Variants in MAF observed in about 807,000 individuals in gnomAD.
MAF encodes the protein transcription factor Maf.
In MAF, 10 loss-of-function variants were observed where a neutral mutation model predicts 22.0. The observed-to-expected ratio is 0.45, with a 90% CI of 0.28 to 0.77. MAF has a LOEUF of 0.77. Ranked by LOEUF, MAF falls within the 30% of genes least tolerant of loss-of-function variation. The pLI is 0.12. For missense variants in MAF, 544 were observed against 548.4 expected (o/e 0.99, Z 0.08); for synonymous variants, 337 against 255.8 (o/e 1.32, Z -3.03).
chr16:79,252,016 T>C, the MAF span, among the ~76,000 whole-genome samples: 2 of 152,270 alleles, frequency 1.3e-5, no homozygotes, highest in African/African-American at 2.4e-5. Flanking sequence ...CTAAGAATCC[T>C]GCAAATAGCA....
chr16:79,325,932 C>A, the MAF span, among the ~76,000 whole-genome samples: 1 of 152,166 alleles, frequency 6.6e-6, no homozygotes, highest in South Asian at 2.1e-4. Context: ...ACACTCTGAT[C>A]TTGTGTGACA....
the MAF span, among the ~76,000 whole-genome samples, chr16:79,489,094 C>T: frequency 6.6e-6 from 1 of 152,092 alleles, no homozygotes; most frequent in Non-Finnish European, 1.5e-5. Context: ...CATCTCTCTA[C>T]CCATCCATCC....
chr16:79,498,180 C>G, the MAF span, among the ~76,000 whole-genome samples: 1 of 152,170 alleles, frequency 6.6e-6, no homozygotes, highest in Non-Finnish European at 1.5e-5. Flanking sequence ...CTTGGGCACA[C>G]TTGCTAAGTA....
At chr16:79,402,586 A>C in the MAF span, among the ~76,000 whole-genome samples, 2 of 152,228 alleles carry the variant, frequency 1.3e-5, no homozygotes. Context: ...GCTGGCGTGC[A>C]GGCTGAGGCC....
At chr16:79,361,670 C>A in the MAF span, among the ~76,000 whole-genome samples, 2 of 151,870 alleles carry the variant, frequency 1.3e-5, no homozygotes, top group Non-Finnish European at 2.9e-5. Context: ...TACGTCTGCA[C>A]GAAAGATTGG....
the MAF span, among the ~76,000 whole-genome samples, chr16:79,268,890 A>T: frequency 6.6e-6 from 1 of 152,150 alleles, no homozygotes; most frequent in Non-Finnish European, 1.5e-5. Flanking sequence ...TGGGCAAGCC[A>T]TTTCACTCTT....
the MAF span, among the ~76,000 whole-genome samples, chr16:79,565,349 A>G: frequency 6.6e-6 from 1 of 152,134 alleles, no homozygotes; most frequent in East Asian, 1.9e-4. Context: ...TGAAACCTAA[A>G]TGATTGACTA....
chr16:79,513,437 G>C, the MAF span, among the ~76,000 whole-genome samples: 1 of 152,202 alleles, frequency 6.6e-6, no homozygotes, highest in Non-Finnish European at 1.5e-5. Flanking sequence ...GATAATAGAC[G>C]TGCTAACTTC....
At chr16:79,502,970 T>C in the MAF span, among the ~76,000 whole-genome samples, 7 of 151,858 alleles carry the variant, frequency 4.6e-5, no homozygotes, top group Admixed American at 3.9e-4. Context: ...TAATGTGGAT[T>C]AAAAAGCTAT....
At chr16:79,299,250 A>T in the MAF span, among the ~76,000 whole-genome samples, 3 of 151,978 alleles carry the variant, frequency 2.0e-5, no homozygotes, top group Non-Finnish European at 4.4e-5. Flanking sequence ...TTTGTTCAGG[A>T]TCCCAGGAAC....
chr16:79,512,473 G>A, the MAF span, among the ~76,000 whole-genome samples: 1 of 152,104 alleles, frequency 6.6e-6, no homozygotes, highest in Admixed American at 6.6e-5. Context: ...TGATCAGCTT[G>A]GGTTTCAGAA....
At chr16:79,358,191 G>T in the MAF span, among the ~76,000 whole-genome samples, 1 of 152,168 alleles carries the variant, frequency 6.6e-6, no homozygotes, top group Non-Finnish European at 1.5e-5. Context: ...AAATACTGGC[G>T]ATGTAATGAG....
the MAF span, among the ~76,000 whole-genome samples, chr16:79,380,837 CT>C: frequency 6.6e-6 from 1 of 152,236 alleles, no homozygotes; most frequent in Non-Finnish European, 1.5e-5. Context: ...TACTCTGAAT[CT>C]TTCATTGTCT....
chr16:79,333,769 A>C, the MAF span, among the ~76,000 whole-genome samples: 3 of 152,090 alleles, frequency 2.0e-5, no homozygotes, highest in Non-Finnish European at 2.9e-5. Flanking sequence ...TGGTGATATC[A>C]CCACATGCAG....
chr16:79,270,490 A>T, the MAF span, among the ~76,000 whole-genome samples: 31,141 of 152,000 alleles, frequency 0.2, 3,840 homozygotes, highest in African/African-American at 0.35. Flanking sequence ...CCCATCTGAA[A>T]GCAAGGAGCT....
the MAF span, among the ~76,000 whole-genome samples, chr16:79,215,194 G>C: frequency 2.9e-4 from 44 of 152,316 alleles, 1 homozygote; most frequent in African/African-American, 9.6e-4. Context: ...GCCTGCACCA[G>C]TGCCACTGCT....
intron 1 of MAF, among the ~76,000 whole-genome samples, chr16:79,586,330 T>C (rs1912838093): frequency 6.6e-6 from 1 of 152,168 alleles, no homozygotes; most frequent in African/African-American, 2.4e-5. Context: ...TCTCAAGGAC[T>C]CTCAGGCTGT....
chr16:79,327,617 G>A, the MAF span, among the ~76,000 whole-genome samples: 1 of 152,142 alleles, frequency 6.6e-6, no homozygotes, highest in African/African-American at 2.4e-5. Flanking sequence ...TGGAAATAGT[G>A]TTTTTCTGGC....
the MAF span, among the ~76,000 whole-genome samples, chr16:79,477,691 G>A: frequency 2.0e-5 from 3 of 152,018 alleles, no homozygotes; most frequent in African/African-American, 7.2e-5. Context: ...TCTGCAAGCT[G>A]CTTGAAATTC....
Sources: allele counts gnomAD v4.1 joint callset (sites outside exome capture counted in the v4.1 genomes callset), GRCh38; gene constraint gnomAD v4.1.1; transcripts MANE v1.5; gene names NCBI Gene and HGNC (gene_info 2026-07-23, HGNC 2026-07-21).